LAMA2: variants seen among roughly 807,000 people sequenced by gnomAD.
LAMA2 encodes the protein laminin subunit alpha-2.
Under a neutral mutation model 364.8 loss-of-function variants are expected in LAMA2, and 269 were observed. The ratio of observed to expected loss-of-function variants is 0.74; its 90% CI spans 0.67 to 0.82. The LOEUF (loss-of-function observed/expected upper bound fraction) is 0.82, where lower values mean the gene tolerates loss of function less well. LAMA2 is among the 40% of genes least tolerant of loss of function. The pLI is 0.00. For missense variants in LAMA2, 3,807 were observed against 3,873.2 expected, an observed-to-expected ratio of 0.98 and a Z score of 0.45; for synonymous variants, 1,379 against 1,370.6, an observed-to-expected ratio of 1.01 and a Z score of -0.14.
intron 1 of LAMA2, among the ~76,000 whole-genome samples, chr6:128,953,589 C>T (rs1382828445): frequency 6.9e-6 from 1 of 145,604 alleles, no homozygotes; most frequent in African/African-American, 2.7e-5. Flanking sequence ...ATGTTTGTGC[C>T]CATGGACTTG....
intron 22 of LAMA2, among the ~76,000 whole-genome samples, chr6:129,310,123 T>C (rs1774127115): frequency 6.6e-6 from 1 of 151,804 alleles, no homozygotes; most frequent in Non-Finnish European, 1.5e-5. Context: ...ATGGTCTCGA[T>C]CTCCTGACCT....
chr6:129,115,816 C>T (rs1173990956), intron 4 of LAMA2, among the ~76,000 whole-genome samples: 1 of 152,146 alleles, frequency 6.6e-6, no homozygotes, highest in Admixed American at 6.6e-5. Flanking sequence ...AGTATAAATA[C>T]ATATCTGCCC....
chr6:129,207,702 GTTATTT>G (rs1383179953), intron 12 of LAMA2, among the ~76,000 whole-genome samples: 1 of 151,826 alleles, frequency 6.6e-6, no homozygotes, highest in African/African-American at 2.4e-5. Context: ...GAGCAAAAGG[GTTATTT>G]TTATAATGAA....
chr6:129,056,316 G>C (rs959014622), intron 2 of LAMA2, among the ~76,000 whole-genome samples: 3 of 152,118 alleles, frequency 2.0e-5, no homozygotes, highest in Non-Finnish European at 4.4e-5. Context: ...TTATGCTTCT[G>C]ATATTTGCTG....
chr6:128,948,613 G>C (rs942441668), intron 1 of LAMA2, among the ~76,000 whole-genome samples: 14 of 152,166 alleles, frequency 9.2e-5, no homozygotes, highest in African/African-American at 3.4e-4. Context: ...ATCGCATGTT[G>C]AAATGGTATT....
chr6:129,445,281 T>C (rs913406631), intron 44 of LAMA2, among the ~76,000 whole-genome samples: 7 of 152,218 alleles, frequency 4.6e-5, no homozygotes, highest in African/African-American at 1.7e-4. Flanking sequence ...CAGTTCTGGC[T>C]TGGACAGACT....
intron 45 of LAMA2, 152 bp downstream of exon 45, chr6:129,445,973 G>A (rs940865274): frequency 8.8e-6 from 6 of 682,028 alleles, no homozygotes; most frequent in African/African-American, 3.6e-5. Context: ...TTGGAGTGGG[G>A]GAGAGGTTAG....
At chr6:128,984,338 C>T (rs990826672) in intron 1 of LAMA2, among the ~76,000 whole-genome samples, 1 of 152,120 alleles carries the variant, frequency 6.6e-6, no homozygotes, top group African/African-American at 2.4e-5. Context: ...ATATGTGTAA[C>T]TCTTCTGAGG....
At chr6:129,412,846 G>A (rs148044115) in intron 40 of LAMA2, among the ~76,000 whole-genome samples, 71 of 152,306 alleles carry the variant, frequency 4.7e-4, no homozygotes, top group African/African-American at 1.7e-3. Context: ...GACCACGTCT[G>A]GTCTGAGTCA....
intron 28 of LAMA2, among the ~76,000 whole-genome samples, chr6:129,321,284 G>A (rs997371353): frequency 1.3e-4 from 20 of 152,088 alleles, no homozygotes; most frequent in Admixed American, 4.6e-4. Context: ...GGAACAGTAC[G>A]ACTTAAGGGA....
intron 15 of LAMA2, among the ~76,000 whole-genome samples, chr6:129,266,640 C>T (rs543351142): frequency 2.0e-5 from 3 of 152,116 alleles, no homozygotes; most frequent in South Asian, 2.1e-4. Context: ...GAAATGATGA[C>T]GTTAAGGGCA....
intron 1 of LAMA2, among the ~76,000 whole-genome samples, chr6:128,991,066 A>C (rs1225919957): frequency 1.3e-5 from 2 of 152,126 alleles, no homozygotes; most frequent in African/African-American, 4.8e-5. Context: ...ATGATCATTT[A>C]AGTTGGATTT....
rs1452730937 is a variant in LAMA2, at chr6:129,237,653, A to G, written c.1783-12459A>G. Among the ~76,000 whole-genome samples the G allele has an allele frequency of 2.0e-5, 3 of 152,112 alleles. No individual in the cohort carries two copies. In the East Asian group the frequency reaches 5.8e-4, roughly 29 times the overall value. On this transcript the variant is annotated intron_variant, in intron 12 of 64. Transcript: ENST00000421865. The stretch of plus-strand genomic sequence containing the variant: ...AGCCATGTGCCCAGCTGTTTCTCAC[A>G]TGCACCCTTATAACTGTGGGATAAA...
At chr6:129,319,343 C>T (rs1774810926) in intron 27 of LAMA2, among the ~76,000 whole-genome samples, 1 of 152,106 alleles carries the variant, frequency 6.6e-6, no homozygotes, top group Non-Finnish European at 1.5e-5. Context: ...TTGGCCGTGT[C>T]TACCTGAAGC....
rs368725543 is a variant in LAMA2, at chr6:129,181,151, T to C, written c.1467+3285T>C. Among the ~76,000 whole-genome samples, 107 of 152,194 alleles carry C rather than the reference T, an allele frequency of 7.0e-4. 3 individuals are homozygous for C. The South Asian group carries it at 0.022, about 31-fold the overall frequency. On this transcript the variant is annotated intron_variant, in intron 10 of 64. Coordinates refer to ENST00000421865, the MANE Select transcript of LAMA2 (RefSeq NM_000426.4). Reference sequence around the variant, plus strand: ...AATGGGATACATTTTTATTCTCCCCTTATGTGCTGGCATTCTTCAACAAGT... The same window carrying C: ...AATGGGATACATTTTTATTCTCCCCCTATGTGCTGGCATTCTTCAACAAGT...
intron 1 of LAMA2, among the ~76,000 whole-genome samples, chr6:128,961,320 TA>T (rs1781480646): frequency 5.7e-5 from 1 of 17,684 alleles, no homozygotes; most frequent in Non-Finnish European, 9.5e-5. Flanking sequence ...ACTAATATGA[TA>T]TATATATATA....
chr6:128,981,454 C>T (rs999197394), intron 1 of LAMA2, among the ~76,000 whole-genome samples: 5 of 151,846 alleles, frequency 3.3e-5, no homozygotes, highest in African/African-American at 1.2e-4. Context: ...TTAAAAATGC[C>T]TTCCAGGGCT....
chr6:129,046,651 C>T (rs1787527409), intron 1 of LAMA2, among the ~76,000 whole-genome samples: 1 of 152,130 alleles, frequency 6.6e-6, no homozygotes, highest in South Asian at 2.1e-4. Flanking sequence ...AATGTGTAAC[C>T]TATATGTATC....
chr6:129,340,698 G>T (rs975016092), intron 29 of LAMA2, among the ~76,000 whole-genome samples: 1 of 151,776 alleles, frequency 6.6e-6, no homozygotes, highest in East Asian at 1.9e-4. Flanking sequence ...TTAGCCTGGC[G>T]TGGTGGTATG....
Sources: gnomAD v4.1 joint callset for allele counts (sites outside exome capture counted in the v4.1 genomes callset) on GRCh38, gnomAD v4.1.1 for gene constraint, MANE v1.5 for transcripts, NCBI Gene and HGNC (gene_info 2026-07-23, HGNC 2026-07-21) for gene names.